The following FLI1 variants were observed in gnomAD, a reference collection of about 807,000 sequenced individuals.
FLI1 encodes Friend leukemia integration 1 transcription factor.
Under a neutral mutation model 53.1 loss-of-function variants are expected in FLI1, and 13 were observed. That is an observed-to-expected ratio of 0.24 (90% CI 0.16 to 0.39). The LOEUF (loss-of-function observed/expected upper bound fraction) is 0.39, where lower values mean the gene tolerates loss of function less well. Ranked by LOEUF, FLI1 falls within the 10% of genes least tolerant of loss-of-function variation. FLI1 has a pLI of 1.00. For synonymous variants in FLI1, 244 were observed against 236.7 expected, an observed-to-expected ratio of 1.03 and a Z score of -0.28; for missense variants, 424 against 600.5, an observed-to-expected ratio of 0.71 and a Z score of 3.07.
At chr11:128,723,880 A>G (rs1939358044) in intron 1 of FLI1, among the ~76,000 whole-genome samples, 1 of 151,932 alleles carries the variant, frequency 6.6e-6, no homozygotes, top group South Asian at 2.1e-4. Context: ...TCTACTGGAA[A>G]GACCCAACAG....
At chr11:128,768,899 G>A (rs548268114) in intron 3 of FLI1, among the ~76,000 whole-genome samples, 11 of 152,268 alleles carry the variant, frequency 7.2e-5, no homozygotes, top group Admixed American at 4.6e-4. Flanking sequence ...AAGGAATCCC[G>A]TGAGCTCTGG....
upstream of FLI1, among the ~76,000 whole-genome samples, chr11:128,691,042 G>A (rs1042231496): frequency 6.6e-6 from 1 of 152,162 alleles, no homozygotes; most frequent in African/African-American, 2.4e-5. Context: ...AGAGAAGAGA[G>A]GAGGGAGAGG....
chr11:128,748,242 C>T, intron 1 of FLI1: 1 of 984,072 alleles, frequency 1.0e-6, no homozygotes, highest in Non-Finnish European at 1.2e-6. Context: ...TCTAGGAATT[C>T]TTTCTCTGGG....
chr11:128,787,528 A>G (rs965358934), intron 5 of FLI1, among the ~76,000 whole-genome samples: 4 of 152,128 alleles, frequency 2.6e-5, no homozygotes, highest in Non-Finnish European at 4.4e-5. Context: ...CTGGTCTCCT[A>G]TTTCAGCATT....
rs1937908988 is a variant in FLI1, at chr11:128,694,169, G to A, written c.-90G>A. The A allele has an allele frequency of 1.4e-6, 2 of 1,429,782 alleles. No individual in the cohort carries two copies. The highest frequency in any genetic ancestry group is 1.9e-6 in the Non-Finnish European group (2 of 1,076,918). The allele number at this position is 1,429,782 out of a possible 1,614,324, so 88.6% of individuals were successfully genotyped here. ...GAGGGCCCAGGGCGCCAGGGAGGCC[G>A]CGCCGGGCTAATCCGAAGGGGCTGC... is the stretch of plus-strand genomic sequence containing the variant. On this transcript the variant is annotated 5_prime_UTR_variant, in exon 1 of 9. Coordinates refer to ENST00000527786, the MANE Select transcript of FLI1 (RefSeq NM_002017.5).
chr11:128,707,060 A>T (rs931231719), intron 1 of FLI1, among the ~76,000 whole-genome samples: 1 of 152,202 alleles, frequency 6.6e-6, no homozygotes, highest in Non-Finnish European at 1.5e-5. Flanking sequence ...TGAGGGGGTT[A>T]TGGGCACGGT....
Position 128,694,243 on chromosome 11 carries a change from C to T in FLI1, c.-16C>T. On this transcript the variant is annotated 5_prime_UTR_variant, in exon 1 of 9. Transcript: ENST00000527786. ...ATGTGTGGAATATTGGGGGGCTCGG[C>T]TGCAGACTTGGCCAAATGGACGGGA... The T allele has an allele frequency of 6.7e-7, 1 of 1,492,062 alleles. No homozygotes were observed. Among genetic ancestry groups the T allele is most frequent in the Non-Finnish European group, 8.9e-7 (1 of 1,118,552 alleles). 92.4% of individuals were successfully genotyped at this position (1,492,062 alleles called of 1,614,324 possible). A position where few individuals can be genotyped will look rare whatever the true frequency, so the allele number is the denominator to read the frequency against.
intron 1 of FLI1, among the ~76,000 whole-genome samples, chr11:128,732,287 T>C (rs2135755832): frequency 6.6e-6 from 1 of 152,338 alleles, no homozygotes; most frequent in African/African-American, 2.4e-5. Flanking sequence ...GGTAGAACCG[T>C]GCATCTTAAA....
chr11:128,794,814 G>A (rs1412425526), intron 5 of FLI1, among the ~76,000 whole-genome samples: 2 of 152,130 alleles, frequency 1.3e-5, no homozygotes, highest in Non-Finnish European at 1.5e-5. Context: ...GGTGGCTCAC[G>A]CCTGTAATCT....
At chr11:128,764,483 G>A (rs1222206819) in intron 2 of FLI1, among the ~76,000 whole-genome samples, 1 of 152,196 alleles carries the variant, frequency 6.6e-6, no homozygotes, top group Non-Finnish European at 1.5e-5. Context: ...GCAGCCCCAG[G>A]CTCTCTTGTC....
intron 4 of FLI1, among the ~76,000 whole-genome samples, chr11:128,776,539 T>A (rs2135852250): frequency 6.6e-6 from 1 of 152,122 alleles, no homozygotes; most frequent in South Asian, 2.1e-4. Context: ...TAATCCTAGC[T>A]ACTTGGGAGG....
chr11:128,788,963 T>G lies in FLI1; in HGVS notation c.655+6940T>G, dbSNP rs138935344. Among the ~76,000 whole-genome samples, 10 of 152,272 alleles carry G rather than the reference T, an allele frequency of 6.6e-5. No homozygotes were observed. In the East Asian group the frequency reaches 1.9e-3, roughly 29 times the overall value. On this transcript the variant is annotated intron_variant, in intron 5 of 8. Transcript: ENST00000527786. ...TAAGTAAGTAAGGAACTACTGTGCTTTAGAGTGAGGGCAATGCACGTATAT... is the reference window on the plus strand; with the variant it reads ...TAAGTAAGTAAGGAACTACTGTGCTGTAGAGTGAGGGCAATGCACGTATAT...
intron 1 of FLI1, among the ~76,000 whole-genome samples, chr11:128,725,233 G>A (rs1464721482): frequency 6.6e-6 from 1 of 152,236 alleles, no homozygotes; most frequent in African/African-American, 2.4e-5. Flanking sequence ...GACCTGTTAG[G>A]TGAGCCTGAA....
chr11:128,717,481 AAGGCATGT>A (rs1939064101), intron 1 of FLI1, among the ~76,000 whole-genome samples: 1 of 152,186 alleles, frequency 6.6e-6, no homozygotes, highest in Non-Finnish European at 1.5e-5. Context: ...TGCTGTTTCT[AAGGCATGT>A]AGGTGCTGAG....
At chr11:128,769,438 T>C (rs687572) in intron 3 of FLI1, among the ~76,000 whole-genome samples, 55,466 of 152,008 alleles carry the variant, frequency 0.36, 10,523 homozygotes, top group Admixed American at 0.47. Context: ...CTCTTTGAGG[T>C]AGTCCGAAGG....
chr11:128,701,960 G>A (rs967634178), intron 1 of FLI1, among the ~76,000 whole-genome samples: 2 of 152,188 alleles, frequency 1.3e-5, no homozygotes, highest in African/African-American at 2.4e-5. Context: ...GAAAGGAATC[G>A]GAGAGTGAGC....
intron 5 of FLI1, among the ~76,000 whole-genome samples, chr11:128,789,696 G>A (rs908304632): frequency 2.6e-5 from 4 of 152,224 alleles, no homozygotes; most frequent in Admixed American, 2.6e-4. Context: ...CCTTGTGTGT[G>A]TGTCTGTGCA....
At chr11:128,806,101 C>T (rs948714791) in intron 6 of FLI1, 1 of 152,058 alleles carries the variant, frequency 6.6e-6, no homozygotes, top group African/African-American at 2.4e-5. Flanking sequence ...AGCACATGAA[C>T]AGGTGGTAAA....
At chr11:128,798,354 C>G (rs1026005141) in intron 5 of FLI1, among the ~76,000 whole-genome samples, 1 of 152,000 alleles carries the variant, frequency 6.6e-6, no homozygotes, top group African/African-American at 2.4e-5. Flanking sequence ...AGACACAGAG[C>G]CTGTGGGAGA....
Sources: allele counts gnomAD v4.1 joint callset (sites outside exome capture counted in the v4.1 genomes callset), GRCh38; gene constraint gnomAD v4.1.1; transcripts MANE v1.5; gene names NCBI Gene and HGNC (gene_info 2026-07-23, HGNC 2026-07-21).